DLGAP1: variants seen among roughly 807,000 people sequenced by gnomAD.
DLGAP1 encodes disks large-associated protein 1.
In DLGAP1, 11 loss-of-function variants were observed where a neutral mutation model predicts 90.8. The ratio of observed to expected loss-of-function variants is 0.12; its 90% CI spans 0.08 to 0.20. The LOEUF (loss-of-function observed/expected upper bound fraction) is 0.20, where lower values mean the gene tolerates loss of function less well. Among genes scored for constraint, DLGAP1 ranks in the 10% least tolerant of loss-of-function variants. The pLI is 1.00. For missense variants in DLGAP1, 1,050 were observed against 1,333.8 expected (o/e 0.79, Z 3.31); for synonymous variants, 558 against 540.7 (o/e 1.03, Z -0.44).
chr18:4,165,721 G>C (rs1056048512), intron 1 of DLGAP1, among the ~76,000 whole-genome samples: 1 of 152,204 alleles, frequency 6.6e-6, no homozygotes, highest in Admixed American at 6.5e-5. Flanking sequence ...GCTGGTACCA[G>C]TAGACTGTGA....
At chr18:4,326,069 C>G (rs2080810884) in intron 1 of DLGAP1, among the ~76,000 whole-genome samples, 1 of 152,006 alleles carries the variant, frequency 6.6e-6, no homozygotes, top group African/African-American at 2.4e-5. Flanking sequence ...ACACAGTAAA[C>G]AGACAATCTA....
intron 1 of DLGAP1, among the ~76,000 whole-genome samples, chr18:4,271,153 A>G (rs887655463): frequency 2.0e-5 from 3 of 152,124 alleles, no homozygotes; most frequent in African/African-American, 7.2e-5. Flanking sequence ...CACTAGAATC[A>G]TTTGGGGAAG....
intron 1 of DLGAP1, among the ~76,000 whole-genome samples, chr18:4,225,657 A>G (rs1179093227): frequency 8.9e-6 from 1 of 112,274 alleles, no homozygotes; most frequent in Non-Finnish European, 1.8e-5. Flanking sequence ...TGCAAATGAC[A>G]TACTGAAGAA....
chr18:3,632,726 T>A, intron 7 of DLGAP1, among the ~76,000 whole-genome samples: 1 of 152,220 alleles, frequency 6.6e-6, no homozygotes, highest in Non-Finnish European at 1.5e-5. Context: ...GAGCTTATTT[T>A]GGAAGGTTAT....
chr18:3,846,964 A>G (rs1649661189), intron 4 of DLGAP1, among the ~76,000 whole-genome samples: 1 of 152,236 alleles, frequency 6.6e-6, no homozygotes, highest in African/African-American at 2.4e-5. Context: ...TTATTTTAAC[A>G]TGATGCATTA....
chr18:3,500,172 G>A (rs1215659016), intron 12 of DLGAP1, among the ~76,000 whole-genome samples: 1 of 152,114 alleles, frequency 6.6e-6, no homozygotes, highest in Admixed American at 6.6e-5. Context: ...GTTGACACAG[G>A]ATGAAAGAGG....
At chr18:3,531,841 C>T (rs532568008) in intron 10 of DLGAP1, among the ~76,000 whole-genome samples, 12 of 151,954 alleles carry the variant, frequency 7.9e-5, no homozygotes, top group Admixed American at 2.0e-4. Flanking sequence ...GGAAGTGACA[C>T]GATGCCTTGG....
At chr18:4,031,039 G>A (rs993099241) in intron 2 of DLGAP1, among the ~76,000 whole-genome samples, 5 of 152,026 alleles carry the variant, frequency 3.3e-5, no homozygotes, top group Non-Finnish European at 7.4e-5. Flanking sequence ...CCTATATCTC[G>A]TTCACTGGCT....
chr18:3,990,642 T>TAATAATAA, intron 3 of DLGAP1, among the ~76,000 whole-genome samples: 1 of 147,600 alleles, frequency 6.8e-6, no homozygotes, highest in African/African-American at 2.5e-5. Context: ...ATAATAATAA[T>TAATAATAA]AATAATAATA....
chr18:3,742,381 C>T lies in DLGAP1; in HGVS notation c.1304G>A (p.Arg435His), dbSNP rs754608618. The T allele has an allele frequency of 4.3e-6, 7 of 1,614,090 alleles. No individual in the cohort carries two copies. Among genetic ancestry groups the T allele is most frequent in the South Asian group, 1.1e-5 (1 of 91,074 alleles). The change falls in exon 6 of 13, where the codon CGC (arginine) becomes CAC (histidine). Residue 435 changes from arginine (R) to histidine (H), a missense_variant. Coordinates refer to ENST00000315677, the MANE Select transcript of DLGAP1 (RefSeq NM_004746.4). ...PAGLLTSPKF[R>H]SRNESYMRAM... is the part of the protein sequence containing the mutation. ...TCGCATGTAGCTCTCATTCCTGGAGCGGAACTTTGGTGATGTGAGCAAGCC... is the reference window on the plus strand; with the variant it reads ...TCGCATGTAGCTCTCATTCCTGGAGTGGAACTTTGGTGATGTGAGCAAGCC...
At chr18:3,694,946 T>G (rs547042504) in intron 7 of DLGAP1, among the ~76,000 whole-genome samples, 25 of 140,898 alleles carry the variant, frequency 1.8e-4, no homozygotes, top group Non-Finnish European at 3.0e-4. Flanking sequence ...TTTGTTTTTT[T>G]TTTTTTTTTT....
At chr18:4,233,706 G>A (rs183989968) in intron 1 of DLGAP1, among the ~76,000 whole-genome samples, 3 of 152,154 alleles carry the variant, frequency 2.0e-5, no homozygotes, top group Admixed American at 6.5e-5. Flanking sequence ...AGGAATATGC[G>A]CATATGTTAA....
At chr18:3,696,878 G>C (rs989044307) in intron 7 of DLGAP1, among the ~76,000 whole-genome samples, 3 of 152,170 alleles carry the variant, frequency 2.0e-5, no homozygotes, top group East Asian at 1.9e-4. Flanking sequence ...TTCAGAACTT[G>C]TTATTGGTCT....
At chr18:3,611,371 G>A (rs1043367969) in intron 7 of DLGAP1, among the ~76,000 whole-genome samples, 2 of 151,864 alleles carry the variant, frequency 1.3e-5, no homozygotes, top group African/African-American at 4.8e-5. Context: ...TTTGGGGTCG[G>A]GGCAGTGCAA....
At position 4,342,428 on chromosome 18, in the gene DLGAP1, A is replaced by C. The variant is rs2081210973; in HGVS notation, c.-267+112578T>G. ...GGAAAGGAAATATCTTGCACTACTA[A>C]GACTAAATGGTTTTAAAACTCTGCT... On this transcript the variant is annotated intron_variant, in intron 1 of 12. Coordinates refer to ENST00000315677, the MANE Select transcript of DLGAP1 (RefSeq NM_004746.4). This position sits in a 1 kb window ranked among gnomAD's most constrained non-coding sequence, Gnocchi z 5.8. Among the ~76,000 whole-genome samples the C allele has an allele frequency of 6.6e-6, 1 of 152,188 alleles. No individual in the cohort carries two copies. Among genetic ancestry groups the C allele is most frequent in the Non-Finnish European group, 1.5e-5 (1 of 68,026 alleles).
intron 1 of DLGAP1, among the ~76,000 whole-genome samples, chr18:4,390,337 G>A (rs2082316576): frequency 6.6e-6 from 1 of 151,906 alleles, no homozygotes; most frequent in Admixed American, 6.6e-5. Flanking sequence ...TGGTACACTT[G>A]TTGTAATTGA....
intron 1 of DLGAP1, among the ~76,000 whole-genome samples, chr18:4,405,047 A>G (rs1020437706): frequency 1.3e-5 from 2 of 152,216 alleles, no homozygotes; most frequent in Non-Finnish European, 2.9e-5. Flanking sequence ...ATAAGCAACT[A>G]CTTAAGTTTA....
intron 3 of DLGAP1, among the ~76,000 whole-genome samples, chr18:3,985,277 C>G (rs2073819363): frequency 6.6e-6 from 1 of 152,130 alleles, no homozygotes. Context: ...ATTTTAAAGT[C>G]TTTTTGTAAA....
intron 2 of DLGAP1, among the ~76,000 whole-genome samples, chr18:4,061,258 T>G (rs986890381): frequency 1.3e-5 from 2 of 152,172 alleles, no homozygotes; most frequent in Admixed American, 1.3e-4. Context: ...TTGTAAAAGA[T>G]TATAAGAATA....
Sources: gnomAD v4.1 joint callset for allele counts (sites outside exome capture counted in the v4.1 genomes callset) on GRCh38, gnomAD v4.1.1 for gene constraint, Gnocchi (gnomAD v3.1) non-coding constraint, MANE v1.5 for transcripts, NCBI Gene and HGNC (gene_info 2026-07-23, HGNC 2026-07-21) for gene names.